Variants in GRM1 observed in about 807,000 individuals in gnomAD.
GRM1 encodes metabotropic glutamate receptor 1.
GRM1 carries 33 observed loss-of-function variants against 90.9 expected under a neutral mutation model. That is an observed-to-expected ratio of 0.36 (90% CI 0.28 to 0.49). GRM1 has a LOEUF of 0.49. Ranked by LOEUF, GRM1 falls within the 20% of genes least tolerant of loss-of-function variation. GRM1 has a pLI of 0.99. For missense variants in GRM1, 1,190 were observed against 1,534.3 expected, an observed-to-expected ratio of 0.78 and a Z score of 3.75; for synonymous variants, 700 against 613.2, an observed-to-expected ratio of 1.14 and a Z score of -2.09.
intron 5 of GRM1, among the ~76,000 whole-genome samples, chr6:146,374,077 T>G (rs1343461778): frequency 6.6e-6 from 1 of 152,172 alleles, no homozygotes; most frequent in Non-Finnish European, 1.5e-5. Flanking sequence ...AGAAGAGAAG[T>G]TGAATTTTAC....
At chr6:146,153,490 T>A (rs1240757748) in intron 1 of GRM1, among the ~76,000 whole-genome samples, 2 of 152,174 alleles carry the variant, frequency 1.3e-5, no homozygotes, top group East Asian at 3.9e-4. Context: ...TTGGAGCCTT[T>A]TAGGTATCAT....
chr6:146,383,591 A>G (rs913677446), intron 5 of GRM1, among the ~76,000 whole-genome samples: 5 of 152,166 alleles, frequency 3.3e-5, no homozygotes, highest in African/African-American at 7.2e-5. Flanking sequence ...TTCAAAAGTT[A>G]TCTGAAAGTA....
chr6:146,169,995 T>C (rs566840370), intron 2 of GRM1, among the ~76,000 whole-genome samples: 1 of 152,214 alleles, frequency 6.6e-6, no homozygotes, highest in African/African-American at 2.4e-5. Flanking sequence ...TATCTGAGAA[T>C]GTCTTTATTT....
At chr6:146,154,530 G>A (rs1010174298) in intron 1 of GRM1, among the ~76,000 whole-genome samples, 4 of 152,062 alleles carry the variant, frequency 2.6e-5, no homozygotes, top group African/African-American at 9.7e-5. Context: ...GACTGAATTA[G>A]GTTACTGAAG....
intron 6 of GRM1, among the ~76,000 whole-genome samples, chr6:146,393,302 T>C (rs986359196): frequency 1.3e-5 from 2 of 152,200 alleles, no homozygotes; most frequent in African/African-American, 4.8e-5. Flanking sequence ...GAGCTTTTTT[T>C]CATGTTTATT....
intron 2 of GRM1, among the ~76,000 whole-genome samples, chr6:146,247,209 C>T (rs1431331257): frequency 6.6e-6 from 1 of 152,140 alleles, no homozygotes; most frequent in Non-Finnish European, 1.5e-5. Context: ...AGATTACTTT[C>T]TCAGTCCTCA....
intron 6 of GRM1, among the ~76,000 whole-genome samples, chr6:146,391,913 T>C (rs1262161555): frequency 6.6e-6 from 1 of 152,082 alleles, no homozygotes; most frequent in Non-Finnish European, 1.5e-5. Flanking sequence ...AAACTGCTAC[T>C]GTTACAACAC....
At chr6:146,229,448 T>TA (rs1393849809) in intron 2 of GRM1, among the ~76,000 whole-genome samples, 1 of 150,394 alleles carries the variant, frequency 6.6e-6, no homozygotes, top group Non-Finnish European at 1.5e-5. Flanking sequence ...TATTAGCCAT[T>TA]AAGAGAGAGC....
chr6:146,244,858 A>G (rs752593940), intron 2 of GRM1, among the ~76,000 whole-genome samples: 1 of 152,154 alleles, frequency 6.6e-6, no homozygotes, highest in Non-Finnish European at 1.5e-5. Flanking sequence ...TGAATTCACT[A>G]ATCGTTCTGT....
intron 1 of GRM1, among the ~76,000 whole-genome samples, chr6:146,086,960 G>A (rs1408856389): frequency 1.3e-5 from 2 of 152,062 alleles, no homozygotes; most frequent in Non-Finnish European, 2.9e-5. Context: ...GTCCCTAAGT[G>A]CAGATTTCCC....
rs187539406 is a variant in GRM1 at position 146,081,436 on chromosome 6, C to T, written c.700+51219C>T. 8.5e-5 allele frequency among the ~76,000 whole-genome samples: 13 copies of T among 152,214 alleles called. No individual in the cohort carries two copies. In the East Asian group the frequency reaches 2.1e-3, roughly 25 times the overall value. Reference sequence around the variant, plus strand: ...ACTGAATTAGTAATAGCTAGGGGCCCACCTCTTCACATCTGAAAAGAGAAA... The same window carrying T: ...ACTGAATTAGTAATAGCTAGGGGCCTACCTCTTCACATCTGAAAAGAGAAA... On this transcript the variant is annotated intron_variant, in intron 1 of 7. Coordinates refer to ENST00000282753, the MANE Select transcript of GRM1 (RefSeq NM_001278064.2).
chr6:146,207,554 G>A (rs994406536), intron 2 of GRM1, among the ~76,000 whole-genome samples: 1 of 152,084 alleles, frequency 6.6e-6, no homozygotes, highest in East Asian at 1.9e-4. Flanking sequence ...TTAGCTACTT[G>A]CATAGTTACT....
intron 5 of GRM1, among the ~76,000 whole-genome samples, chr6:146,374,165 G>A (rs530314423): frequency 1.8e-3 from 256 of 144,740 alleles, no homozygotes; most frequent in Non-Finnish European, 2.5e-3. Flanking sequence ...TATCGGTATC[G>A]CATTGATTAA....
chr6:146,140,728 T>C (rs879396362), intron 1 of GRM1, among the ~76,000 whole-genome samples: 19 of 152,360 alleles, frequency 1.2e-4, no homozygotes, highest in Admixed American at 1.2e-3. Flanking sequence ...TTCAATTTTG[T>C]CTGCTTTTTA....
intron 2 of GRM1, among the ~76,000 whole-genome samples, chr6:146,303,226 T>C (rs1219474903): frequency 1.6e-4 from 25 of 152,160 alleles, no homozygotes; most frequent in Non-Finnish European, 2.9e-5. Context: ...GTTTGCCCAG[T>C]CCCTTCTCTG....
At chr6:146,142,252 CAAAT>C (rs1776905201) in intron 1 of GRM1, among the ~76,000 whole-genome samples, 1 of 152,192 alleles carries the variant, frequency 6.6e-6, no homozygotes, top group African/African-American at 2.4e-5. Flanking sequence ...TTCTCCCAAA[CAAAT>C]AGAGTCTTTC....
chr6:146,191,142 G>A (rs562021507), intron 2 of GRM1, among the ~76,000 whole-genome samples: 2 of 152,248 alleles, frequency 1.3e-5, no homozygotes, highest in East Asian at 1.9e-4. Context: ...AAGCTTCATT[G>A]ATTCATCTTC....
At chr6:146,255,901 C>T (rs1781460825) in intron 2 of GRM1, among the ~76,000 whole-genome samples, 1 of 152,170 alleles carries the variant, frequency 6.6e-6, no homozygotes, top group African/African-American at 2.4e-5. Context: ...TACTAAAACT[C>T]TTCCCTGAGT....
At chr6:146,119,514 C>T (rs1411530864) in intron 1 of GRM1, among the ~76,000 whole-genome samples, 1 of 152,086 alleles carries the variant, frequency 6.6e-6, no homozygotes, top group Non-Finnish European at 1.5e-5. Context: ...AAGTCCTTGC[C>T]CATGCCTATG....
Sources: allele counts gnomAD v4.1 joint callset (sites outside exome capture counted in the v4.1 genomes callset), GRCh38; gene constraint gnomAD v4.1.1; transcripts MANE v1.5; gene names NCBI Gene and HGNC (gene_info 2026-07-23, HGNC 2026-07-21).